The following ENTREP2 variants were observed in gnomAD, a reference collection of about 807,000 sequenced individuals.
ENTREP2 encodes the protein endosomal transmembrane epsin interactor 2, also known as protein ENTREP2.
At chr15:29,523,780 T>C in the ENTREP2 span, among the ~76,000 whole-genome samples, 1 of 151,994 alleles carries the variant, frequency 6.6e-6, no homozygotes, top group Admixed American at 6.6e-5. Context: ...GTCAGTATAA[T>C]GCAAAAGGAA....
the ENTREP2 span, among the ~76,000 whole-genome samples, chr15:29,537,427 G>A: frequency 6.6e-6 from 1 of 152,156 alleles, no homozygotes; most frequent in African/African-American, 2.4e-5. Context: ...CTCAGGAGAG[G>A]TCCACTTCCC....
chr15:29,277,557 C>T, the ENTREP2 span, among the ~76,000 whole-genome samples: 1 of 152,156 alleles, frequency 6.6e-6, no homozygotes, highest in East Asian at 1.9e-4. Context: ...GTAGGGCTCA[C>T]ATCCCTATGA....
chr15:29,155,119 A>C, the ENTREP2 span, among the ~76,000 whole-genome samples: 1 of 121,120 alleles, frequency 8.3e-6, no homozygotes, highest in South Asian at 2.5e-4. Flanking sequence ...CGTCTCTACT[A>C]AAAATACAAA....
At chr15:29,220,167 C>A in the ENTREP2 span, among the ~76,000 whole-genome samples, 1 of 152,100 alleles carries the variant, frequency 6.6e-6, no homozygotes, top group African/African-American at 2.4e-5. Flanking sequence ...TGGGGAGACC[C>A]GCTGGGCTGG....
At chr15:29,191,429 A>C in the ENTREP2 span, among the ~76,000 whole-genome samples, 1 of 146,432 alleles carries the variant, frequency 6.8e-6, no homozygotes, top group Admixed American at 7.0e-5. Context: ...AGAGACATCC[A>C]TGGGTGCAAA....
chr15:29,651,892 G>A, the ENTREP2 span, among the ~76,000 whole-genome samples: 14,175 of 152,236 alleles, frequency 0.093, 975 homozygotes, highest in African/African-American at 0.2. Context: ...GGACGCAGAC[G>A]GGTTCCTGGG....
At chr15:29,186,919 T>C in the ENTREP2 span, among the ~76,000 whole-genome samples, 1 of 152,206 alleles carries the variant, frequency 6.6e-6, no homozygotes, top group Non-Finnish European at 1.5e-5. Context: ...TTTTCTGTCA[T>C]TTCAGCTAGG....
chr15:29,611,597 C>T, the ENTREP2 span, among the ~76,000 whole-genome samples: 1 of 152,168 alleles, frequency 6.6e-6, no homozygotes, highest in Admixed American at 6.5e-5. Flanking sequence ...TATCTGCTGT[C>T]CCTGACCACA....
the ENTREP2 span, among the ~76,000 whole-genome samples, chr15:29,589,600 C>T: frequency 2.6e-5 from 4 of 152,198 alleles, no homozygotes; most frequent in Non-Finnish European, 4.4e-5. Flanking sequence ...CCATGAACAC[C>T]GCATTCAGCT....
the ENTREP2 span, among the ~76,000 whole-genome samples, chr15:29,396,851 A>T: frequency 6.6e-6 from 1 of 152,198 alleles, no homozygotes; most frequent in African/African-American, 2.4e-5. Context: ...TAGTTTTTAC[A>T]ATTTAATTTA....
At chr15:29,224,662 T>C in the ENTREP2 span, among the ~76,000 whole-genome samples, 4 of 152,140 alleles carry the variant, frequency 2.6e-5, no homozygotes, top group African/African-American at 4.8e-5. Context: ...GATTGGTGTA[T>C]TTACAATCCC....
At chr15:29,633,890 C>T in the ENTREP2 span, among the ~76,000 whole-genome samples, 1 of 151,956 alleles carries the variant, frequency 6.6e-6, no homozygotes, top group Non-Finnish European at 1.5e-5. Flanking sequence ...ACCCGGGAGG[C>T]GAAGGTTGCA....
the ENTREP2 span, among the ~76,000 whole-genome samples, chr15:29,614,432 C>T: frequency 6.6e-6 from 1 of 152,104 alleles, no homozygotes; most frequent in Non-Finnish European, 1.5e-5. Context: ...GCTGCCTTTA[C>T]CTTGTTTATC....
At chr15:29,457,331 A>C in the ENTREP2 span, among the ~76,000 whole-genome samples, 1 of 152,040 alleles carries the variant, frequency 6.6e-6, no homozygotes, top group Non-Finnish European at 1.5e-5. Flanking sequence ...GTACTGAATA[A>C]CAGCTTTGAG....
the ENTREP2 span, among the ~76,000 whole-genome samples, chr15:29,529,082 C>T: frequency 2.0e-5 from 3 of 150,612 alleles, no homozygotes; most frequent in Admixed American, 2.0e-4. Flanking sequence ...TGAAACCAGC[C>T]TATTTGAGTC....
the ENTREP2 span, among the ~76,000 whole-genome samples, chr15:29,318,466 G>A: frequency 2.0e-5 from 3 of 152,018 alleles, no homozygotes; most frequent in African/African-American, 7.2e-5. Context: ...GACTACAGGC[G>A]CCTGCCAGCA....
At chr15:29,209,036 T>G in the ENTREP2 span, among the ~76,000 whole-genome samples, 1 of 152,048 alleles carries the variant, frequency 6.6e-6, no homozygotes, top group East Asian at 1.9e-4. Flanking sequence ...TATGAGTGAC[T>G]GGGAGAAGGA....
At chr15:29,128,865 C>G in the ENTREP2 span, 1 of 1,549,412 alleles carries the variant, frequency 6.5e-7, no homozygotes, top group Non-Finnish European at 8.7e-7. Context: ...TACTTGTAAC[C>G]TACAGTAAGA....
At chr15:29,193,505 C>T in the ENTREP2 span, among the ~76,000 whole-genome samples, 1 of 152,184 alleles carries the variant, frequency 6.6e-6, no homozygotes, top group Admixed American at 6.5e-5. Flanking sequence ...ACTGAGAGTT[C>T]CACCATTGGT....
Sources: allele counts gnomAD v4.1 joint callset (sites outside exome capture counted in the v4.1 genomes callset), GRCh38; gene constraint gnomAD v4.1.1; transcripts MANE v1.5; gene names NCBI Gene and HGNC (gene_info 2026-07-23, HGNC 2026-07-21).